PLCB1: variants seen among roughly 807,000 people sequenced by gnomAD.
The protein encoded by PLCB1 is phospholipase C beta 1, also known as 1-phosphatidylinositol 4,5-bisphosphate phosphodiesterase beta-1.
PLCB1 carries 46 observed loss-of-function variants against 161.8 expected under a neutral mutation model. The observed-to-expected ratio is 0.28, with a 90% CI of 0.22 to 0.36. The LOEUF (loss-of-function observed/expected upper bound fraction) is 0.36. Among genes scored for constraint, PLCB1 ranks in the 10% least tolerant of loss-of-function variants. PLCB1 has a pLI of 1.00. For missense variants in PLCB1, 1,016 were observed against 1,472.5 expected, an observed-to-expected ratio of 0.69 and a Z score of 5.07; for synonymous variants, 517 against 503.7, an observed-to-expected ratio of 1.03 and a Z score of -0.35.
At chr20:8,370,818 T>G (rs1406567038) in intron 2 of PLCB1, among the ~76,000 whole-genome samples, 2 of 152,208 alleles carry the variant, frequency 1.3e-5, no homozygotes, top group African/African-American at 4.8e-5. Flanking sequence ...CAATCATATC[T>G]TCTATGCCTT....
intron 2 of PLCB1, among the ~76,000 whole-genome samples, chr20:8,346,203 T>C (rs1350470543): frequency 6.6e-6 from 1 of 152,210 alleles, no homozygotes; most frequent in Non-Finnish European, 1.5e-5. Flanking sequence ...TTTCAACCTT[T>C]TCCTGCTAAC....
At chr20:8,441,484 A>G (rs1190225580) in intron 3 of PLCB1, among the ~76,000 whole-genome samples, 3 of 152,254 alleles carry the variant, frequency 2.0e-5, no homozygotes, top group African/African-American at 7.2e-5. Context: ...ATCACAAAGT[A>G]AGAAATCTGA....
chr20:8,203,646 A>C (rs1315679359), intron 2 of PLCB1, among the ~76,000 whole-genome samples: 1 of 152,152 alleles, frequency 6.6e-6, no homozygotes, highest in Non-Finnish European at 1.5e-5. Flanking sequence ...CCTGAAAAAC[A>C]GAAACATTTA....
chr20:8,282,564 T>G, intron 2 of PLCB1, among the ~76,000 whole-genome samples: 1 of 152,360 alleles, frequency 6.6e-6, no homozygotes, highest in African/African-American at 2.4e-5. Context: ...ATCTTCATTT[T>G]ATGTTATATC....
At chr20:8,353,039 C>G (rs1411949886) in intron 2 of PLCB1, among the ~76,000 whole-genome samples, 1 of 152,062 alleles carries the variant, frequency 6.6e-6, no homozygotes, top group Non-Finnish European at 1.5e-5. Context: ...ATGAGCATAA[C>G]CAGCCCCCTG....
rs60079589 is a variant in PLCB1, at chr20:8,324,199, G to GGTGTGT, written c.178-47147_178-47142dup. The stretch of plus-strand genomic sequence containing the variant: ...AGTTCACAGTCTCTAAACTGGTAGG[G>GGTGTGT]GTGTGTGTGTGTGTGTGTGTGTGTG... On this transcript the variant is annotated intron_variant, in intron 2 of 31. Coordinates refer to ENST00000338037, the MANE Select transcript of PLCB1 (RefSeq NM_015192.4). Among the ~76,000 whole-genome samples, 272 of 147,112 alleles carry GGTGTGT rather than the reference G, an allele frequency of 1.8e-3. 1 individual carries two copies. The highest frequency in any genetic ancestry group is 5.6e-3 in the African/African-American group (222 of 39,884).
intron 23 of PLCB1, 37 bp downstream of exon 23, chr20:8,741,610 C>T (rs749460241): frequency 7.6e-7 from 1 of 1,322,136 alleles, no homozygotes; most frequent in South Asian, 1.2e-5. Context: ...TAGCATTAAG[C>T]ATGATCACCA....
chr20:8,154,655 C>T (rs1418947004), intron 2 of PLCB1, among the ~76,000 whole-genome samples: 2 of 152,140 alleles, frequency 1.3e-5, no homozygotes, highest in Non-Finnish European at 2.9e-5. Context: ...GTTATATCAC[C>T]TTGTTTTAAT....
intron 3 of PLCB1, among the ~76,000 whole-genome samples, chr20:8,494,808 C>A (rs1193284572): frequency 6.6e-6 from 1 of 152,108 alleles, no homozygotes. Flanking sequence ...TAAGGGACTT[C>A]TTTGGCTTTT....
At chr20:8,471,944 T>C (rs1355451845) in intron 3 of PLCB1, among the ~76,000 whole-genome samples, 1 of 152,204 alleles carries the variant, frequency 6.6e-6, no homozygotes. Context: ...AAATAGGAAT[T>C]AATAGTTGAG....
intron 3 of PLCB1, among the ~76,000 whole-genome samples, chr20:8,380,221 G>A (rs1417991843): frequency 6.6e-6 from 1 of 152,096 alleles, no homozygotes; most frequent in African/African-American, 2.4e-5. Flanking sequence ...TTTAATAGGA[G>A]ATCCTTTCCC....
At position 8,621,391 on chromosome 20, in the gene PLCB1, A is replaced by G. The variant is rs558299812; in HGVS notation, c.247-6903A>G. Among the ~76,000 whole-genome samples the G allele has an allele frequency of 2.1e-3, 320 of 152,316 alleles. 1 individual carries two copies. Among genetic ancestry groups the G allele is most frequent in the African/African-American group, 5.9e-3 (247 of 41,574 alleles). ...CTATACTTTAGAATTTTTAAGTTTG[A>G]CAAATACTGACTCAATGAGGAGGAA... On this transcript the variant is annotated intron_variant, in intron 3 of 31. Coordinates refer to ENST00000338037, the MANE Select transcript of PLCB1 (RefSeq NM_015192.4).
intron 2 of PLCB1, among the ~76,000 whole-genome samples, chr20:8,198,644 G>A (rs192432278): frequency 2.0e-4 from 30 of 152,054 alleles, no homozygotes; most frequent in South Asian, 1.5e-3. Context: ...CCCACAGACC[G>A]TATTTCTTTT....
At chr20:8,260,855 C>T (rs1265599811) in intron 2 of PLCB1, among the ~76,000 whole-genome samples, 1 of 152,122 alleles carries the variant, frequency 6.6e-6, no homozygotes, top group African/African-American at 2.4e-5. Flanking sequence ...ATAGCTGCCC[C>T]CATTCTCTGG....
intron 19 of PLCB1, among the ~76,000 whole-genome samples, chr20:8,735,396 A>C (rs1219221665): frequency 3.3e-5 from 5 of 152,226 alleles, no homozygotes; most frequent in Non-Finnish European, 7.3e-5. Flanking sequence ...CAGAATGGAG[A>C]CGCTGCTCCA....
At chr20:8,285,059 T>G (rs1217710073) in intron 2 of PLCB1, among the ~76,000 whole-genome samples, 1 of 151,958 alleles carries the variant, frequency 6.6e-6, no homozygotes, top group Non-Finnish European at 1.5e-5. Flanking sequence ...TGTTCTTGTT[T>G]TGTTTCTGCA....
chr20:8,178,885 T>C (rs1462070382), intron 2 of PLCB1, among the ~76,000 whole-genome samples: 1 of 152,220 alleles, frequency 6.6e-6, no homozygotes, highest in Non-Finnish European at 1.5e-5. Flanking sequence ...ATTTATTGAA[T>C]AGGCAATCCA....
At chr20:8,450,136 T>A (rs191902112) in intron 3 of PLCB1, among the ~76,000 whole-genome samples, 56 of 152,322 alleles carry the variant, frequency 3.7e-4, no homozygotes, top group African/African-American at 1.3e-3. Context: ...TTCAAGATCA[T>A]TTTTCCTAGG....
chr20:8,568,448 A>C (rs968625944), intron 3 of PLCB1, among the ~76,000 whole-genome samples: 5 of 152,200 alleles, frequency 3.3e-5, no homozygotes, highest in African/African-American at 1.2e-4. Context: ...GTACTTTTCA[A>C]AAGCTCCATG....
Sources: allele counts gnomAD v4.1 joint callset (sites outside exome capture counted in the v4.1 genomes callset), GRCh38; gene constraint gnomAD v4.1.1; transcripts MANE v1.5; gene names NCBI Gene and HGNC (gene_info 2026-07-23, HGNC 2026-07-21).